The following PKHD1 variants were observed in gnomAD, a reference collection of about 807,000 sequenced individuals.
PKHD1 encodes the protein fibrocystin.
Under a neutral mutation model 412.0 loss-of-function variants are expected in PKHD1, and 291 were observed. The observed-to-expected ratio is 0.71, with a 90% confidence interval of 0.64 to 0.78. PKHD1 has a LOEUF of 0.78. Ranked by LOEUF, PKHD1 falls within the 30% of genes least tolerant of loss-of-function variation. The pLI is 0.00. For synonymous variants in PKHD1, 1,777 were observed against 1,821.5 expected, an observed-to-expected ratio of 0.98 and a Z score of 0.62; for missense variants, 4,825 against 4,950.7, an observed-to-expected ratio of 0.97 and a Z score of 0.76.
intron 60 of PKHD1, among the ~76,000 whole-genome samples, chr6:51,732,080 A>G (rs1003119329): frequency 3.9e-5 from 6 of 152,154 alleles, no homozygotes; most frequent in Admixed American, 2.6e-4. Flanking sequence ...AAATATCTCA[A>G]CTACACTGAT....
At chr6:51,794,586 T>C (rs1354899525) in intron 52 of PKHD1, among the ~76,000 whole-genome samples, 1 of 152,214 alleles carries the variant, frequency 6.6e-6, no homozygotes, top group African/African-American at 2.4e-5. Context: ...CATCATGAAA[T>C]CTTCACCTGT....
rs769591140 is a variant in PKHD1, at chr6:52,024,680, C to A, written c.5130G>T (p.Pro1710=). Residue 1710 remains proline, a synonymous_variant, in exon 32 of 67, where the codon CCG becomes CCT. Coordinates refer to ENST00000371117, the MANE Select transcript of PKHD1 (RefSeq NM_138694.4). ...AGCCTCTGACGTGGTACTCCCCGGC[C>A]GGAAGGGAAGGGACCACGCACTGAA... is the stretch of plus-strand genomic sequence containing the variant. ...TVLQCVVPSL[P]AGEYHVRGYD... 27 of 1,614,040 alleles carry A rather than the reference C, an allele frequency of 1.7e-5. No individual in the cohort carries two copies. The highest frequency in any genetic ancestry group is 2.3e-5 in the Non-Finnish European group (27 of 1,180,026).
chr6:51,680,097 T>G (rs1776433683), intron 60 of PKHD1, among the ~76,000 whole-genome samples: 1 of 152,008 alleles, frequency 6.6e-6, no homozygotes, highest in African/African-American at 2.4e-5. Flanking sequence ...AAATGTATTT[T>G]AAAAGGCTCA....
chr6:51,906,467 G>A (rs1782112021), intron 40 of PKHD1, 127 bp from the exon 41 acceptor site: 2 of 745,262 alleles, frequency 2.7e-6, no homozygotes, highest in East Asian at 2.6e-5. Flanking sequence ...GAGATAAGAA[G>A]TTAGAAGCAG....
intron 33 of PKHD1, among the ~76,000 whole-genome samples, chr6:52,021,718 C>A (rs1801426775): frequency 6.6e-6 from 1 of 152,040 alleles, no homozygotes; most frequent in South Asian, 2.1e-4. Flanking sequence ...AGCATTTTAA[C>A]AAAAATTTTT....
rs1806617021 is a variant in PKHD1, at chr6:52,050,350, T to C, written c.2141-55A>G. On this transcript the variant is annotated intron_variant, in intron 21 of 66. Transcript: ENST00000371117. ...GTGACTTAAGATGGTAGACTTGCTG[T>C]GTGGAAAATCCCAGTTGGAAATGTG... is the stretch of plus-strand genomic sequence containing the variant. The C allele has an allele frequency of 3.2e-6, 5 of 1,585,748 alleles. No homozygotes were observed. The South Asian group carries it at 5.5e-5, about 18-fold the overall frequency.
Position 52,024,752 on chromosome 6 carries a change from A to C in PKHD1, c.5058T>G (p.Phe1686Leu). 6.2e-7 allele frequency: 1 copy of C among 1,614,160 alleles called. No homozygotes were observed. The highest frequency in any genetic ancestry group is 8.5e-7 in the Non-Finnish European group (1 of 1,180,024). The change falls in exon 32 of 67, where the codon TTT (phenylalanine) becomes TTG (leucine). Residue 1686 changes from phenylalanine to leucine, a missense_variant. Phe to Leu is a conservative substitution (Grantham distance 22). Coordinates refer to ENST00000371117, the MANE Select transcript of PKHD1 (RefSeq NM_138694.4). ...QISGAANIDI[F>L]IGMSPCVGVS... ...CACCCACACAGGGTGACATTCCTATAAAAATGTCAATGTTTGCAGCTCCTG... is the reference window on the plus strand; with the variant it reads ...CACCCACACAGGGTGACATTCCTATCAAAATGTCAATGTTTGCAGCTCCTG...
At chr6:51,711,063 CCT>C (rs1780603941) in intron 60 of PKHD1, among the ~76,000 whole-genome samples, 1 of 152,184 alleles carries the variant, frequency 6.6e-6, no homozygotes, top group Admixed American at 6.5e-5. Flanking sequence ...CTGCCCCAGG[CCT>C]CTCTGATGTT....
intron 63 of PKHD1, among the ~76,000 whole-genome samples, chr6:51,643,413 G>C (rs903508503): frequency 4.0e-5 from 6 of 151,804 alleles, no homozygotes; most frequent in Non-Finnish European, 8.8e-5. Flanking sequence ...AAATGACCAG[G>C]AGCAACAATA....
At chr6:52,026,755 T>A (rs2499478) in intron 31 of PKHD1, among the ~76,000 whole-genome samples, 70,511 of 152,028 alleles carry the variant, frequency 0.46, 17,844 homozygotes, top group Admixed American at 0.59. Flanking sequence ...TCATTGAATC[T>A]TGCTGGTGAA....
Position 51,627,129 on chromosome 6 carries a change from A to C in PKHD1, c.11666-13T>G. 1 of 1,607,220 alleles carries C rather than the reference A, an allele frequency of 6.2e-7. No homozygotes were observed. The highest frequency in any genetic ancestry group is 1.1e-5 in the South Asian group (1 of 90,966). On this transcript the variant is annotated splice_polypyrimidine_tract_variant and intron_variant, in intron 65 of 66. Coordinates refer to ENST00000371117, the MANE Select transcript of PKHD1 (RefSeq NM_138694.4). Reference sequence around the variant, plus strand: ...TCAGGTTTTGTTTCTGTATTAATGGAGAAGAAAAAGGATTTTTTTGTTCAG... The same window carrying C: ...TCAGGTTTTGTTTCTGTATTAATGGCGAAGAAAAAGGATTTTTTTGTTCAG...
At chr6:51,893,016 GTC>G (rs1040092617) in intron 43 of PKHD1, among the ~76,000 whole-genome samples, 23 of 152,236 alleles carry the variant, frequency 1.5e-4, no homozygotes, top group African/African-American at 5.5e-4. Flanking sequence ...CTCTAGGTGT[GTC>G]TCTCTATATC....
At chr6:52,074,955 G>A (rs950128337) in intron 6 of PKHD1, among the ~76,000 whole-genome samples, 4 of 152,182 alleles carry the variant, frequency 2.6e-5, no homozygotes, top group Non-Finnish European at 4.4e-5. Flanking sequence ...AATGGGCTTG[G>A]CAGATCTGGG....
At chr6:51,647,133 T>C (rs1257963247) in intron 63 of PKHD1, among the ~76,000 whole-genome samples, 1 of 152,208 alleles carries the variant, frequency 6.6e-6, no homozygotes, top group East Asian at 1.9e-4. Context: ...ACATATTTTC[T>C]GTGGATAATA....
At chr6:52,045,123 G>A (rs1180226417) in intron 24 of PKHD1, 35 bp from the exon 25 acceptor site, 1 of 1,609,068 alleles carries the variant, frequency 6.2e-7, no homozygotes, top group Admixed American at 1.7e-5. Flanking sequence ...ATTCTGTCAT[G>A]GAACCGAAAT....
At chr6:51,670,144 G>C (rs9800697) in intron 60 of PKHD1, among the ~76,000 whole-genome samples, 29,610 of 141,298 alleles carry the variant, frequency 0.21, 3,919 homozygotes, top group African/African-American at 0.36. Context: ...GTTGACAGTG[G>C]GGTGTTAAAG....
chr6:51,727,515 C>T (rs1782722171), intron 60 of PKHD1, among the ~76,000 whole-genome samples: 1 of 152,212 alleles, frequency 6.6e-6, no homozygotes, highest in Admixed American at 6.5e-5. Context: ...AACTGTGATA[C>T]TAGGACTTTA....
intron 35 of PKHD1, among the ~76,000 whole-genome samples, chr6:52,005,159 A>C (rs1798894238): frequency 6.6e-6 from 1 of 152,102 alleles, no homozygotes; most frequent in Non-Finnish European, 1.5e-5. Context: ...TTGACTATTG[A>C]GTGTGTTGCC....
chr6:52,021,366 A>C (rs1562150218), intron 33 of PKHD1, among the ~76,000 whole-genome samples: 1 of 152,238 alleles, frequency 6.6e-6, no homozygotes, highest in African/African-American at 2.4e-5. Context: ...AGTTGAAATT[A>C]AGTGTTTTGA....
Sources: allele counts gnomAD v4.1 joint callset (sites outside exome capture counted in the v4.1 genomes callset), GRCh38; gene constraint gnomAD v4.1.1; transcripts MANE v1.5; gene names NCBI Gene and HGNC (gene_info 2026-07-23, HGNC 2026-07-21).